Variants in TARBP1 observed in about 807,000 individuals in gnomAD.
TARBP1 encodes tRNA guanosine 2 -O-methyltransferase TARBP1.
In TARBP1, 144 loss-of-function variants were observed where a neutral mutation model predicts 178.6. The ratio of observed to expected loss-of-function variants is 0.81; its 90% CI spans 0.70 to 0.93. The LOEUF is 0.93. TARBP1 is among the 40% of genes least tolerant of loss of function. The pLI, the probability that TARBP1 is intolerant of heterozygous loss-of-function variation, is 0.00. For missense variants in TARBP1, 2,067 were observed against 2,011.7 expected, an observed-to-expected ratio of 1.03 and a Z score of -0.53; for synonymous variants, 787 against 781.0, an observed-to-expected ratio of 1.01 and a Z score of -0.13.
At chr1:234,470,279 A>C (rs271773) in intron 3 of TARBP1, among the ~76,000 whole-genome samples, 33,132 of 152,162 alleles carry the variant, frequency 0.22, 4,558 homozygotes, top group Non-Finnish European at 0.31. Context: ...TCAAAAACAA[A>C]AAAAAAGAGC....
chr1:234,408,206 T>C (rs972623759), intron 23 of TARBP1, among the ~76,000 whole-genome samples: 9 of 152,146 alleles, frequency 5.9e-5, no homozygotes, highest in Non-Finnish European at 1.0e-4. Flanking sequence ...AAAGGTTTTT[T>C]TTTTTTTTCC....
chr1:234,468,546 G>T (rs950918217), intron 3 of TARBP1, among the ~76,000 whole-genome samples: 1 of 152,210 alleles, frequency 6.6e-6, no homozygotes, highest in Non-Finnish European at 1.5e-5. Flanking sequence ...ATGCATGCAG[G>T]TTGGAACTTC....
At chr1:234,422,262 TG>T (rs541648900) in intron 20 of TARBP1, among the ~76,000 whole-genome samples, 156 of 152,346 alleles carry the variant, frequency 1.0e-3, no homozygotes, top group African/African-American at 3.4e-3. Context: ...TTCCACTCAG[TG>T]TGCTCCTTTA....
chr1:234,463,921 G>C lies in TARBP1; in HGVS notation c.1315C>G (p.Pro439Ala). 1 of 1,585,276 alleles carries C rather than the reference G, an allele frequency of 6.3e-7. No individual in the cohort carries two copies. Among genetic ancestry groups the C allele is most frequent in the South Asian group, 1.2e-5 (1 of 85,770 alleles). ...CCCAATGGAGAACAGCTTCCTATTG[G>C]CTGGCCTGGGGACCTACAAACAGAG... The part of the protein sequence containing the change: ...SSLYSRSPGQ[P>A]IGSCSPLGLK... The change falls in exon 6 of 30, where the codon CCA becomes GCA. Residue 439 changes from proline to alanine, a missense_variant. Pro to Ala is a conservative substitution (Grantham distance 27). Coordinates refer to ENST00000040877, the MANE Select transcript of TARBP1 (RefSeq NM_005646.4).
chr1:234,394,961 C>T (rs577243765), intron 26 of TARBP1, among the ~76,000 whole-genome samples: 1 of 151,716 alleles, frequency 6.6e-6, no homozygotes, highest in Non-Finnish European at 1.5e-5. Flanking sequence ...TGGTGGTGGA[C>T]GCCTATAATC....
chr1:234,427,890 G>T, intron 17 of TARBP1, 124 bp from the exon 18 acceptor site: 1 of 535,264 alleles, frequency 1.9e-6, no homozygotes. Context: ...ATTCATTACT[G>T]TTAGAATAAC....
intron 22 of TARBP1, among the ~76,000 whole-genome samples, chr1:234,415,783 T>C (rs950505157): frequency 6.6e-6 from 1 of 152,182 alleles, no homozygotes; most frequent in Non-Finnish European, 1.5e-5. Flanking sequence ...CCCAGTGAAC[T>C]AGCTCTCTCT....
At chr1:234,464,781 A>G (rs1668261016) in intron 5 of TARBP1, among the ~76,000 whole-genome samples, 1 of 152,226 alleles carries the variant, frequency 6.6e-6, no homozygotes, top group Non-Finnish European at 1.5e-5. Flanking sequence ...AAATTTAGTT[A>G]ATATTAGAAA....
chr1:234,474,522 T>C (rs1177808657), intron 1 of TARBP1, among the ~76,000 whole-genome samples: 1 of 152,152 alleles, frequency 6.6e-6, no homozygotes, highest in African/African-American at 2.4e-5. Flanking sequence ...AATAGACTCC[T>C]ATCAAAACTG....
At chr1:234,431,291 C>A (rs935374761) in intron 14 of TARBP1, among the ~76,000 whole-genome samples, 1 of 152,134 alleles carries the variant, frequency 6.6e-6, no homozygotes, top group Non-Finnish European at 1.5e-5. Context: ...TACCTTTGAG[C>A]CAACTATCGT....
Position 234,427,692 on chromosome 1 carries a change from C to G in TARBP1, c.3135G>C (p.Gln1045His), listed in dbSNP as rs143917883. The change falls in exon 18 of 30, where the codon CAG (glutamine) becomes CAC (histidine). Residue 1045 changes from glutamine (Q) to histidine (H), a missense_variant. Physicochemically the swap from Gln to His is conservative, Grantham distance 24. Transcript: ENST00000040877. ...VFNTLISYCC[Q>H]SWIVSASNVS... ...CATTTGAAGCAGACACTATCCAAGA[C>G]TGACAGCAGTAACTTATCAGTGTAT... 1.5e-5 allele frequency: 23 copies of G among 1,557,734 alleles called. No homozygotes were observed. In the African/African-American group the frequency reaches 2.9e-4, roughly 20 times the overall value.
At chr1:234,402,370 G>A (rs1248370603) in intron 24 of TARBP1, among the ~76,000 whole-genome samples, 1 of 152,074 alleles carries the variant, frequency 6.6e-6, no homozygotes, top group Non-Finnish European at 1.5e-5. Flanking sequence ...ACTAGCTGTT[G>A]AACTTTCTAA....
Position 234,446,825 on chromosome 1 carries a change from C to T in TARBP1, c.2112G>A (p.Leu704=). ...CACCATCTTGGGCACTGGAACCTTT[C>T]AACCTGCATGTGTTCAACAGCTTCA... ...LLLKLLNTCR[L]KGSSAQDDEV... Residue 704 remains leucine (L), a synonymous_variant, in exon 12 of 30, where the codon TTG becomes TTA. Coordinates refer to ENST00000040877, the MANE Select transcript of TARBP1 (RefSeq NM_005646.4). The T allele has an allele frequency of 6.2e-7, 1 of 1,613,956 alleles. No individual in the cohort carries two copies. The highest frequency in any genetic ancestry group is 1.7e-4 in the Middle Eastern group (1 of 6,058).
At chr1:234,411,759 A>T (rs1661845252) in intron 22 of TARBP1, among the ~76,000 whole-genome samples, 1 of 152,154 alleles carries the variant, frequency 6.6e-6, no homozygotes, top group African/African-American at 2.4e-5. Context: ...AGACTGTTCA[A>T]CTGGAATCTG....
chr1:234,421,028 A>T (rs6666922), intron 20 of TARBP1, among the ~76,000 whole-genome samples: 36,670 of 152,130 alleles, frequency 0.24, 4,684 homozygotes, highest in East Asian at 0.44. Flanking sequence ...AAATAAAAAA[A>T]TTTTTAAATA....
intron 8 of TARBP1, among the ~76,000 whole-genome samples, chr1:234,458,068 G>A (rs1667468008): frequency 6.6e-6 from 1 of 152,022 alleles, no homozygotes; most frequent in Non-Finnish European, 1.5e-5. Context: ...GTGAGGACAG[G>A]CGCGGTGGCT....
intron 1 of TARBP1, among the ~76,000 whole-genome samples, chr1:234,476,508 CTGA>C (rs1419578589): frequency 6.6e-6 from 1 of 152,176 alleles, no homozygotes; most frequent in Non-Finnish European, 1.5e-5. Context: ...AGGAAAACCT[CTGA>C]TGATCTGATT....
At position 234,433,423 on chromosome 1, in the gene TARBP1, A is replaced by G; in HGVS notation, c.2381T>C (p.Met794Thr). ...KNASIQHLQE[M>T]DSGQEPTVGS... ...AAAGAGGCTTACCTGTCCACTGTCC[A>G]TCTCTTGAAGATGCTGAATGGATGC... Residue 794 changes from methionine (M) to threonine (T), a missense_variant, in exon 14 of 30, where the codon ATG becomes ACG. By Grantham distance (81) the Met-to-Thr change is moderately conservative. Transcript: ENST00000040877. 6.2e-7 allele frequency: 1 copy of G among 1,613,932 alleles called. No homozygotes were observed. Among genetic ancestry groups the G allele is most frequent in the South Asian group, 1.1e-5 (1 of 91,068 alleles).
At position 234,401,202 on chromosome 1, in the gene TARBP1, T is replaced by A. The variant is rs1660641609; in HGVS notation, c.4050A>T (p.Pro1350=). ...QEHFFFATFH[P]LKDYCLETIF... The stretch of plus-strand genomic sequence containing the variant: ...TCACCTCTAGACAATAATCCTTGAG[T>A]GGGTGAAATGTTGCAAAAAAGAAAT... The change falls in exon 25 of 30, where the codon CCA becomes CCT. Residue 1350 remains proline (P), a synonymous_variant. Transcript: ENST00000040877. 1.2e-6 allele frequency: 2 copies of A among 1,613,292 alleles called. No individual in the cohort carries two copies. Among genetic ancestry groups the A allele is most frequent in the Non-Finnish European group, 1.7e-6 (2 of 1,179,560 alleles).
Sources: gnomAD v4.1 joint callset for allele counts (sites outside exome capture counted in the v4.1 genomes callset) on GRCh38, gnomAD v4.1.1 for gene constraint, MANE v1.5 for transcripts, NCBI Gene and HGNC (gene_info 2026-07-23, HGNC 2026-07-21) for gene names.